Variants in NOTCH2 observed in about 807,000 individuals in gnomAD.
The protein encoded by NOTCH2 is notch receptor 2, also known as neurogenic locus notch homolog protein 2.
NOTCH2 carries 29 observed loss-of-function variants against 235.8 expected under a neutral mutation model. The observed-to-expected ratio is 0.12, with a 90% CI of 0.09 to 0.17. The LOEUF (loss-of-function observed/expected upper bound fraction) is 0.17, where lower values mean the gene tolerates loss of function less well. Among genes scored for constraint, NOTCH2 ranks in the 10% least tolerant of loss-of-function variants. The pLI, the probability that NOTCH2 is intolerant of heterozygous loss-of-function variation, is 1.00. For missense variants in NOTCH2, 2,285 were observed against 3,150.2 expected, an observed-to-expected ratio of 0.73 and a Z score of 6.57; for synonymous variants, 1,086 against 1,141.5, an observed-to-expected ratio of 0.95 and a Z score of 0.98.
chr1:119,918,443 G>T lies in NOTCH2; in HGVS notation c.5892C>A (p.Ile1964=), dbSNP rs780915452. ...LAVEGMVAEL[I]NCQADVNAVD... The stretch of plus-strand genomic sequence containing the variant: ...CTGCATTCACATCCGCTTGGCAGTT[G>T]ATCAGTTCTGCCACCATTCCCTCCA... The change falls in exon 32 of 34, where the codon ATC becomes ATA. Residue 1964 remains isoleucine (I), a synonymous_variant. Transcript: ENST00000256646. 6 of 1,614,020 alleles carry T rather than the reference G, an allele frequency of 3.7e-6. No homozygotes were observed. Among genetic ancestry groups the T allele is most frequent in the Non-Finnish European group, 4.2e-6 (5 of 1,180,028 alleles).
At position 119,923,687 on chromosome 1, in the gene NOTCH2, C is replaced by T. The variant is rs375697208; in HGVS notation, c.4809G>A (p.Gln1603=). ...CAGGAAGGGATCTGCGTGTCATCCT[C>T]TGTTTCTTCATAGCAGCTGACTTCT... is the stretch of plus-strand genomic sequence containing the variant. ...YGEKSAAMKK[Q]RMTRRSLPGE... Residue 1603 remains glutamine (Q), a synonymous_variant, in exon 26 of 34, where the codon CAG becomes CAA. Transcript: ENST00000256646. The T allele has an allele frequency of 5.6e-6, 9 of 1,614,106 alleles. No homozygotes were observed. The highest frequency in any genetic ancestry group is 7.6e-6 in the Non-Finnish European group (9 of 1,180,048).
At chr1:119,946,838 G>T (rs910100353) in intron 17 of NOTCH2, among the ~76,000 whole-genome samples, 22 of 152,084 alleles carry the variant, frequency 1.4e-4, no homozygotes, top group African/African-American at 5.3e-4. Context: ...TAAATAAAAG[G>T]CATACAGGGT....
chr1:119,924,116 C>CA (rs1397052710), intron 25 of NOTCH2, 132 bp from the exon 26 acceptor site: 1 of 742,668 alleles, frequency 1.3e-6, no homozygotes, highest in African/African-American at 1.7e-5. Context: ...CCAAATGCCC[C>CA]ACAAAACCTT....
intron 1 of NOTCH2, chr1:120,069,032 C>A (rs1553217701): frequency 7.1e-7 from 1 of 1,401,352 alleles, no homozygotes; most frequent in East Asian, 2.9e-5. Context: ...CACCTCCCTG[C>A]ACCCTGGCAC....
Position 119,937,762 on chromosome 1 carries a change from C to T in NOTCH2, c.3337+95G>A, listed in dbSNP as rs1314236617. The T allele has an allele frequency of 2.8e-6, 4 of 1,418,588 alleles. No homozygotes were observed. In the East Asian group the frequency reaches 9.4e-5, roughly 33 times the overall value. The allele number at this position is 1,418,588 out of a possible 1,614,324, so 87.9% of individuals were successfully genotyped here. A position where few individuals can be genotyped will look rare whatever the true frequency, so the allele number is the denominator to read the frequency against. On this transcript the variant is annotated intron_variant, in intron 20 of 33. Transcript: ENST00000256646. Reference sequence around the variant, plus strand: ...TGCCCACCCACTACTATCTGCCCTTCCCTCTTATTCCACAAAAAAATGATA... The same window carrying T: ...TGCCCACCCACTACTATCTGCCCTTTCCTCTTATTCCACAAAAAAATGATA...
rs2101137471 is a variant in NOTCH2 at position 119,963,781 on chromosome 1, TCTC to T, written c.1705_1707del (p.Glu569del). ...GGATCGGGGTCACAGTTGTCAATGT[TCTC>T]CTCACACAACACACCAGTGAAACCT... On this transcript the variant is annotated inframe_deletion, in exon 11 of 34. Coordinates refer to ENST00000256646, the MANE Select transcript of NOTCH2 (RefSeq NM_024408.4). 6.2e-7 allele frequency: 1 copy of T among 1,614,074 alleles called. No individual in the cohort carries two copies. The highest frequency in any genetic ancestry group is 8.5e-7 in the Non-Finnish European group (1 of 1,179,970).
chr1:119,965,262 T>C (rs1651091962), intron 10 of NOTCH2, among the ~76,000 whole-genome samples, 191 bp downstream of exon 10: 1 of 152,162 alleles, frequency 6.6e-6, no homozygotes. Flanking sequence ...CAGACCACTG[T>C]TGTGGTGGAG....
intron 5 of NOTCH2, among the ~76,000 whole-genome samples, chr1:119,981,654 C>T (rs1002013473): frequency 5.3e-5 from 8 of 152,148 alleles, no homozygotes; most frequent in African/African-American, 1.9e-4. Context: ...GTCCTTGTTT[C>T]CACCAACAGC....
chr1:119,999,102 G>A (rs1316863612), intron 3 of NOTCH2, among the ~76,000 whole-genome samples: 1 of 136,826 alleles, frequency 7.3e-6, no homozygotes, highest in Admixed American at 7.4e-5. Context: ...ATGGACATTT[G>A]GGTTGGTTCC....
At chr1:119,996,526 G>A in intron 4 of NOTCH2, 1 of 630,040 alleles carries the variant, frequency 1.6e-6, no homozygotes. Flanking sequence ...GGGCAGCTGG[G>A]TGCATTTAGG....
At chr1:119,936,818 C>T (rs1199777631) in intron 21 of NOTCH2, among the ~76,000 whole-genome samples, 2 of 151,908 alleles carry the variant, frequency 1.3e-5, no homozygotes, top group East Asian at 3.9e-4. Context: ...ATACATGTAA[C>T]GTTTAGCATG....
intron 19 of NOTCH2, among the ~76,000 whole-genome samples, chr1:119,939,359 A>G (rs1294205466): frequency 6.6e-6 from 1 of 152,234 alleles, no homozygotes; most frequent in Non-Finnish European, 1.5e-5. Flanking sequence ...CCAATGCTCT[A>G]GACATGATTT....
intron 14 of NOTCH2, 37 bp from the exon 15 acceptor site, chr1:119,950,874 T>C (rs1553197729): frequency 7.8e-7 from 1 of 1,278,022 alleles, no homozygotes; most frequent in Non-Finnish European, 1.1e-6. Context: ...ACAGTAAAAC[T>C]TTCTGACAGC....
intron 19 of NOTCH2, among the ~76,000 whole-genome samples, chr1:119,938,593 G>C (rs1488006366): frequency 6.6e-6 from 1 of 152,092 alleles, no homozygotes; most frequent in Non-Finnish European, 1.5e-5. Flanking sequence ...AGGCTTGCTG[G>C]GTGGTTTTGT....
At chr1:119,938,084 T>C in intron 19 of NOTCH2, 74 bp from the exon 20 acceptor site, 1 of 1,532,026 alleles carries the variant, frequency 6.5e-7, no homozygotes, top group Non-Finnish European at 9.0e-7. Flanking sequence ...TATATTGTGT[T>C]ACAAGAAATC....
At chr1:119,962,486 C>T (rs146287127) in intron 11 of NOTCH2, among the ~76,000 whole-genome samples, 5 of 152,218 alleles carry the variant, frequency 3.3e-5, no homozygotes, top group Admixed American at 6.5e-5. Context: ...TCAGCTGTGA[C>T]GGCATGGGAT....
intron 4 of NOTCH2, 35 bp from the exon 5 acceptor site, chr1:119,987,117 C>G: frequency 6.2e-7 from 1 of 1,612,554 alleles, no homozygotes; most frequent in African/African-American, 1.3e-5. Context: ...ATGATGAAAT[C>G]TCATACAGAA....
chr1:119,940,092 T>C (rs1291591566), intron 19 of NOTCH2, among the ~76,000 whole-genome samples: 1 of 152,230 alleles, frequency 6.6e-6, no homozygotes, highest in Non-Finnish European at 1.5e-5. Context: ...GAAGTGTGTA[T>C]TTACATATTT....
Position 120,069,640 on chromosome 1 carries a change from T to A in NOTCH2, c.-234A>T. The A allele has an allele frequency of 4.3e-6, 6 of 1,393,642 alleles. No homozygotes were observed. The highest frequency in any genetic ancestry group is 4.6e-6 in the Non-Finnish European group (5 of 1,079,054). 86.3% of individuals were successfully genotyped at this position (1,393,642 alleles called of 1,614,324 possible). A position where few individuals can be genotyped will look rare whatever the true frequency, so the allele number is the denominator to read the frequency against. Reference sequence around the variant, plus strand: ...CGCCCGAAGTTTGGCTGAAACTTTCTCGGGTGTGCAACGAAGCAGCCTCGT... The same window carrying A: ...CGCCCGAAGTTTGGCTGAAACTTTCACGGGTGTGCAACGAAGCAGCCTCGT... On this transcript the variant is annotated 5_prime_UTR_variant, in exon 1 of 34. Coordinates refer to ENST00000256646, the MANE Select transcript of NOTCH2 (RefSeq NM_024408.4).
Sources: allele counts gnomAD v4.1 joint callset (sites outside exome capture counted in the v4.1 genomes callset), GRCh38; gene constraint gnomAD v4.1.1; transcripts MANE v1.5; gene names NCBI Gene and HGNC (gene_info 2026-07-23, HGNC 2026-07-21).